The following GALK2 variants were observed in gnomAD, a reference collection of about 807,000 sequenced individuals.
The protein encoded by GALK2 is galactokinase 2, also known as N-acetylgalactosamine kinase.
A neutral mutation model predicts 52.4 loss-of-function variants in GALK2; 36 were observed. That is an observed-to-expected ratio of 0.69 (90% CI 0.53 to 0.91). The LOEUF (loss-of-function observed/expected upper bound fraction) is 0.91, where lower values mean the gene tolerates loss of function less well. Ranked by LOEUF, GALK2 falls within the 40% of genes least tolerant of loss-of-function variation. GALK2 has a pLI of 0.00. For missense variants in GALK2, 579 were observed against 559.1 expected, an observed-to-expected ratio of 1.04 and a Z score of -0.36; for synonymous variants, 176 against 199.1, an observed-to-expected ratio of 0.88 and a Z score of 0.98.
At chr15:49,161,404 A>G (rs1417236666) in intron 1 of GALK2, among the ~76,000 whole-genome samples, 1 of 152,246 alleles carries the variant, frequency 6.6e-6, no homozygotes, top group Non-Finnish European at 1.5e-5. Context: ...TGTATCACAC[A>G]TCAAAATATT....
At chr15:49,243,619 CCAAA>C (rs1452648338) in intron 5 of GALK2, among the ~76,000 whole-genome samples, 3 of 151,376 alleles carry the variant, frequency 2.0e-5, no homozygotes, top group Admixed American at 1.3e-4. Flanking sequence ...ACAAAATGAA[CCAAA>C]CAAACAAAAA....
At chr15:49,264,816 G>C (rs1466987349) in intron 5 of GALK2, among the ~76,000 whole-genome samples, 1 of 152,230 alleles carries the variant, frequency 6.6e-6, no homozygotes, top group Admixed American at 6.5e-5. Context: ...CTGCAGGTCT[G>C]TTGGAGTTTG....
chr15:49,224,510 G>A (rs573126165), intron 3 of GALK2, among the ~76,000 whole-genome samples: 1 of 152,258 alleles, frequency 6.6e-6, no homozygotes, highest in African/African-American at 2.4e-5. Flanking sequence ...TATATATGCT[G>A]AAAGATAGGG....
intron 8 of GALK2, among the ~76,000 whole-genome samples, chr15:49,311,546 G>T (rs966566440): frequency 1.1e-4 from 16 of 152,094 alleles, no homozygotes; most frequent in African/African-American, 3.9e-4. Context: ...CGTTCTTTCT[G>T]CCCAACCCTT....
intron 3 of GALK2, among the ~76,000 whole-genome samples, chr15:49,220,676 T>C (rs564355516): frequency 6.6e-6 from 1 of 152,314 alleles, no homozygotes; most frequent in South Asian, 2.1e-4. Flanking sequence ...GTATAATGGC[T>C]GCACTAATTA....
chr15:49,225,128 C>T, intron 3 of GALK2: 1 of 443,940 alleles, frequency 2.3e-6, no homozygotes, highest in South Asian at 1.6e-5. Context: ...AGATGACCCT[C>T]TCAGCAGGTC....
intron 5 of GALK2, among the ~76,000 whole-genome samples, chr15:49,247,880 T>TGC (rs2091427902): frequency 2.0e-5 from 3 of 152,224 alleles, no homozygotes; most frequent in African/African-American, 7.2e-5. Flanking sequence ...CCTGAACAGA[T>TGC]TTACTTAACT....
At chr15:49,260,473 G>A (rs1385564457) in intron 5 of GALK2, among the ~76,000 whole-genome samples, 1 of 146,744 alleles carries the variant, frequency 6.8e-6, no homozygotes, top group Non-Finnish European at 1.5e-5. Flanking sequence ...TTAGCCCTTT[G>A]TCAGACGAGT....
chr15:49,261,792 T>A (rs1185387089), intron 5 of GALK2, among the ~76,000 whole-genome samples: 1 of 152,194 alleles, frequency 6.6e-6, no homozygotes, highest in African/African-American at 2.4e-5. Flanking sequence ...TGTTGAATTT[T>A]GTCAAAGGCT....
chr15:49,256,034 G>A (rs1279615080), intron 5 of GALK2, among the ~76,000 whole-genome samples: 1 of 152,106 alleles, frequency 6.6e-6, no homozygotes, highest in Admixed American at 6.6e-5. Flanking sequence ...TACTGCCACT[G>A]TGTATATAGG....
At chr15:49,262,636 T>G (rs2064602454) in intron 5 of GALK2, among the ~76,000 whole-genome samples, 1 of 151,436 alleles carries the variant, frequency 6.6e-6, no homozygotes, top group Non-Finnish European at 1.5e-5. Context: ...GCTCTTGCTT[T>G]TCTAGTTCTT....
intron 3 of GALK2, among the ~76,000 whole-genome samples, chr15:49,349,886 C>T (rs761187122): frequency 4.6e-5 from 7 of 151,608 alleles, no homozygotes; most frequent in African/African-American, 9.7e-5. Flanking sequence ...CAAAATAACC[C>T]GAAACTAGAA....
At chr15:49,271,497 AC>A (rs1595909805) in intron 5 of GALK2, among the ~76,000 whole-genome samples, 2 of 152,104 alleles carry the variant, frequency 1.3e-5, no homozygotes, top group Non-Finnish European at 2.9e-5. Context: ...TACTCCTGAA[AC>A]CTTTCCCTGA....
intron 3 of GALK2, among the ~76,000 whole-genome samples, chr15:49,357,917 G>A (rs2151374614): frequency 6.6e-6 from 1 of 152,078 alleles, no homozygotes; most frequent in Non-Finnish European, 1.5e-5. Context: ...TCCCTGGGAT[G>A]CAAGGCTGGT....
chr15:49,332,249 C>CA (rs1180136916), downstream of GALK2, among the ~76,000 whole-genome samples: 1 of 152,192 alleles, frequency 6.6e-6, no homozygotes, highest in Non-Finnish European at 1.5e-5. Flanking sequence ...ATGGTTTACA[C>CA]AGTATTGCTT....
upstream of GALK2, among the ~76,000 whole-genome samples, chr15:49,167,468 C>G (rs971266283): frequency 6.6e-6 from 1 of 152,098 alleles, no homozygotes; most frequent in Non-Finnish European, 1.5e-5. Flanking sequence ...AGCGATTCTC[C>G]CGCCTCAGCC....
downstream of GALK2, chr15:49,335,426 A>G: frequency 6.2e-7 from 1 of 1,606,202 alleles, no homozygotes; most frequent in African/African-American, 1.3e-5. Context: ...TACATCCTAA[A>G]ATCCTTTTGG....
chr15:49,332,518 C>T (rs1213609474), downstream of GALK2, among the ~76,000 whole-genome samples: 2 of 152,028 alleles, frequency 1.3e-5, no homozygotes, highest in Non-Finnish European at 2.9e-5. Flanking sequence ...GCAGCAGGAA[C>T]CTTTCCAGAG....
chr15:49,203,254 T>C (rs1435116394), intron 2 of GALK2, among the ~76,000 whole-genome samples: 6 of 152,168 alleles, frequency 3.9e-5, no homozygotes, highest in African/African-American at 1.4e-4. Flanking sequence ...TTTCACCATG[T>C]TGGCCAGGAT....
Sources: allele counts gnomAD v4.1 joint callset (sites outside exome capture counted in the v4.1 genomes callset), GRCh38; gene constraint gnomAD v4.1.1; transcripts MANE v1.5; gene names NCBI Gene and HGNC (gene_info 2026-07-23, HGNC 2026-07-21).